Variants in AKAP12 observed in about 807,000 individuals in gnomAD.
AKAP12 encodes A-kinase anchoring protein 12.
Under a neutral mutation model 79.9 loss-of-function variants are expected in AKAP12, and 32 were observed. The observed-to-expected ratio is 0.40, with a 90% CI of 0.30 to 0.54. The LOEUF (loss-of-function observed/expected upper bound fraction) is 0.54, where lower values mean the gene tolerates loss of function less well. Ranked by LOEUF, AKAP12 falls within the 20% of genes least tolerant of loss-of-function variation. The pLI, the probability that AKAP12 is intolerant of heterozygous loss-of-function variation, is 0.48. For missense variants in AKAP12, 2,074 were observed against 2,177.0 expected, an observed-to-expected ratio of 0.95 and a Z score of 0.94; for synonymous variants, 808 against 857.0, an observed-to-expected ratio of 0.94 and a Z score of 1.00.
intron 3 of AKAP12, among the ~76,000 whole-genome samples, chr6:151,311,503 G>A (rs1777099732): frequency 6.6e-6 from 1 of 152,172 alleles, no homozygotes; most frequent in Admixed American, 6.5e-5. Context: ...GACACCAGCT[G>A]TGATCACACC....
At chr6:151,348,397 G>T in intron 3 of AKAP12, 1 of 500,436 alleles carries the variant, frequency 2.0e-6, no homozygotes, top group Non-Finnish European at 3.9e-6. Context: ...CCACTGCTTT[G>T]AGAAGCTGAG....
chr6:151,280,612 CTCTTT>C (rs773933786), intron 2 of AKAP12: 2 of 150,636 alleles, frequency 1.3e-5, no homozygotes, highest in African/African-American at 2.4e-5. Flanking sequence ...CAAACGAGCG[CTCTTT>C]TCTTTTCTTT....
At chr6:151,242,152 T>C (rs1299668903) in intron 2 of AKAP12, among the ~76,000 whole-genome samples, 1 of 152,194 alleles carries the variant, frequency 6.6e-6, no homozygotes, top group Non-Finnish European at 1.5e-5. Flanking sequence ...CTGTAACCAG[T>C]GGTCAGAGTC....
intron 2 of AKAP12, among the ~76,000 whole-genome samples, chr6:151,258,291 A>G (rs567056207): frequency 2.6e-5 from 4 of 152,340 alleles, no homozygotes; most frequent in African/African-American, 7.2e-5. Context: ...GTAAAGGGAA[A>G]TGTCACGAGT....
rs1562738060 is a variant in AKAP12 at position 151,321,915 on chromosome 6, T to TTTG, written c.319+16014_319+16015insGTT. ...ACATCAGCTTTATGTTTTTTTTTTT[T>TTTG]TTTTTTTTTTTTTGACACAGTCTCA... is the stretch of plus-strand genomic sequence containing the variant. On this transcript the variant is annotated intron_variant, in intron 3 of 4. Coordinates refer to ENST00000402676, the MANE Select transcript of AKAP12 (RefSeq NM_005100.4). Among the ~76,000 whole-genome samples, 776 of 145,734 alleles carry TTTG rather than the reference T, an allele frequency of 5.3e-3. 14 individuals carry two copies. Among genetic ancestry groups the TTTG allele is most frequent in the African/African-American group, 0.019 (740 of 38,240 alleles).
chr6:151,273,000 C>G (rs576998940), intron 2 of AKAP12, among the ~76,000 whole-genome samples: 2 of 152,158 alleles, frequency 1.3e-5, no homozygotes, highest in African/African-American at 4.8e-5. Context: ...CTCCGCTTCC[C>G]GGGTTCACAC....
At chr6:151,245,448 A>G (rs972094514) in intron 2 of AKAP12, among the ~76,000 whole-genome samples, 3 of 151,848 alleles carry the variant, frequency 2.0e-5, no homozygotes, top group African/African-American at 7.3e-5. Flanking sequence ...GGCACCCACC[A>G]CCACGCCCAG....
Position 151,357,329 on chromosome 6 carries a change from G to A in AKAP12, c.*1615G>A. 1 of 152,156 alleles carries A rather than the reference G, an allele frequency of 6.6e-6. No individual in the cohort carries two copies. Among genetic ancestry groups the A allele is most frequent in the Non-Finnish European group, 1.5e-5 (1 of 68,070 alleles). The allele number at this position is 152,156 out of a possible 1,614,324, so 9.4% of individuals were successfully genotyped here. ...TCAGCCTACATTAAGGGTTTTGTCAGACAATTGTCACACGAAGAATAGTGT... is the reference window on the plus strand; with the variant it reads ...TCAGCCTACATTAAGGGTTTTGTCAAACAATTGTCACACGAAGAATAGTGT... On this transcript the variant is annotated 3_prime_UTR_variant, in exon 5 of 5. Transcript: ENST00000402676.
At chr6:151,247,821 A>C (rs1366464572) in intron 2 of AKAP12, among the ~76,000 whole-genome samples, 2 of 152,196 alleles carry the variant, frequency 1.3e-5, no homozygotes, top group Non-Finnish European at 2.9e-5. Flanking sequence ...TTTTCTGAGA[A>C]AAATGTAGGT....
chr6:151,292,337 C>T (rs1432752907), intron 2 of AKAP12, among the ~76,000 whole-genome samples: 2 of 152,198 alleles, frequency 1.3e-5, no homozygotes, highest in Non-Finnish European at 2.9e-5. Context: ...GCAATACATT[C>T]TAACTGGGTT....
rs767860011 is a variant in AKAP12 at position 151,349,577 on chromosome 6, C to T, written c.1186C>T (p.Pro396Ser). The T allele has an allele frequency of 3.7e-6, 6 of 1,610,628 alleles. No individual in the cohort carries two copies. In the East Asian group the frequency reaches 1.3e-4, roughly 36 times the overall value. The part of the protein sequence containing the change: ...SGSQGPSEEK[P>S]APLATEVFDE... ...CTCGCAGGGACCTTCTGAAGAGAAA[C>T]CTGCTCCGTTGGCGACAGAAGTGTT... Residue 396 changes from proline to serine, a missense_variant, in exon 4 of 5, where the codon CCT (proline) becomes TCT (serine). By Grantham distance (74) the Pro-to-Ser change is moderately conservative. Transcript: ENST00000402676.
In AKAP12 at chr6:151,353,360, G is replaced by A; in HGVS notation, c.4969G>A (p.Glu1657Lys). 6.2e-7 allele frequency: 1 copy of A among 1,614,218 alleles called. No homozygotes were observed. The highest frequency in any genetic ancestry group is 8.5e-7 in the Non-Finnish European group (1 of 1,180,036). Residue 1657 changes from glutamate to lysine, a missense_variant, in exon 4 of 5, where the codon GAA becomes AAA. Glu to Lys is a moderately conservative substitution (Grantham distance 56). Transcript: ENST00000402676. Reference sequence around the variant, plus strand: ...TTCCACTGTAAATGATCAGCAGCTGGAAGAGGTCGTCCTCCCATCTGAGGA... The same window carrying A: ...TTCCACTGTAAATGATCAGCAGCTGAAAGAGGTCGTCCTCCCATCTGAGGA... ...EGSTVNDQQL[E>K]EVVLPSEEEG... is the part of the protein sequence containing the mutation.
intron 3 of AKAP12, among the ~76,000 whole-genome samples, chr6:151,320,312 A>G (rs779902803): frequency 2.6e-5 from 4 of 151,282 alleles, no homozygotes; most frequent in African/African-American, 4.9e-5. Context: ...TAGAGATGGG[A>G]TCTTGCTGTG....
intron 2 of AKAP12, among the ~76,000 whole-genome samples, chr6:151,302,441 C>T (rs570243857): frequency 3.9e-5 from 6 of 152,268 alleles, no homozygotes; most frequent in African/African-American, 9.6e-5. Context: ...CTACAGCGCA[C>T]GTCACAGTGC....
intron 1 of AKAP12, 52 bp from the exon 2 acceptor site, chr6:151,240,331 AG>A (rs893035557): frequency 2.8e-6 from 1 of 355,600 alleles, no homozygotes; most frequent in South Asian, 8.6e-5. Flanking sequence ...AACCGGGGGG[AG>A]GGGGGCGGAG....
chr6:151,299,896 T>C (rs777576881), intron 2 of AKAP12, among the ~76,000 whole-genome samples: 3 of 152,174 alleles, frequency 2.0e-5, no homozygotes, highest in Non-Finnish European at 2.9e-5. Context: ...CCCAAAGTGC[T>C]GGAATTATAG....
intron 3 of AKAP12, among the ~76,000 whole-genome samples, chr6:151,332,488 A>C (rs1777701779): frequency 6.6e-6 from 1 of 152,138 alleles, no homozygotes; most frequent in Admixed American, 6.6e-5. Context: ...ACCCTGTCTC[A>C]CACAAGCATG....
intron 2 of AKAP12, among the ~76,000 whole-genome samples, chr6:151,272,344 C>CAAAA (rs369696858): frequency 1.7e-4 from 16 of 95,282 alleles, no homozygotes; most frequent in Non-Finnish European, 2.0e-4. Context: ...GACCCTGTTT[C>CAAAA]AAAAAAAAAA....
chr6:151,348,681 C>CTCT, intron 3 of AKAP12, 30 bp from the exon 4 acceptor site: 8 of 218,328 alleles, frequency 3.7e-5, no homozygotes, highest in East Asian at 1.2e-4. Context: ...TTTCTCTTCT[C>CTCT]CCCACCCCCC....
Sources: gnomAD v4.1 joint callset for allele counts (sites outside exome capture counted in the v4.1 genomes callset) on GRCh38, gnomAD v4.1.1 for gene constraint, MANE v1.5 for transcripts, NCBI Gene and HGNC (gene_info 2026-07-23, HGNC 2026-07-21) for gene names.